The following MTF2 variants were observed in gnomAD, a reference collection of about 807,000 sequenced individuals.
MTF2 encodes metal-response element-binding transcription factor 2.
A neutral mutation model predicts 79.5 loss-of-function variants in MTF2; 11 were observed. The ratio of observed to expected loss-of-function variants is 0.14; its 90% CI spans 0.09 to 0.23. MTF2 has a LOEUF of 0.23. Among genes scored for constraint, MTF2 ranks in the 10% least tolerant of loss-of-function variants. The pLI is 1.00. For synonymous variants in MTF2, 208 were observed against 232.8 expected (o/e 0.89, Z 0.97); for missense variants, 486 against 711.2 (o/e 0.68, Z 3.60).
intron 11 of MTF2, among the ~76,000 whole-genome samples, chr1:93,132,574 C>T (rs190022557): frequency 5.5e-4 from 84 of 152,196 alleles, no homozygotes; most frequent in African/African-American, 2.0e-3. Flanking sequence ...GATCATTTTA[C>T]AAAAGAAATG....
chr1:93,127,453 G>C (rs1656744814), intron 10 of MTF2, among the ~76,000 whole-genome samples, 154 bp downstream of exon 10: 1 of 152,182 alleles, frequency 6.6e-6, no homozygotes, highest in African/African-American at 2.4e-5. Flanking sequence ...TTAGATTAAA[G>C]CAGTGATTCT....
intron 14 of MTF2, among the ~76,000 whole-genome samples, chr1:93,135,674 G>A (rs36057148): frequency 0.16 from 24,890 of 152,180 alleles, 2,270 homozygotes; most frequent in African/African-American, 0.21. Context: ...TTATCTGGGC[G>A]TGGTATTGGT....
rs775843760 is a variant in MTF2 at position 93,136,696 on chromosome 1, G to A, written c.1451G>A (p.Arg484His). The A allele has an allele frequency of 9.3e-6, 15 of 1,613,694 alleles. No individual in the cohort carries two copies. Among genetic ancestry groups the A allele is most frequent in the Middle Eastern group, 1.6e-4 (1 of 6,084 alleles). Residue 484 changes from arginine (R) to histidine (H), a missense_variant, in exon 15 of 15, where the codon CGT becomes CAT. Coordinates refer to ENST00000370298, the MANE Select transcript of MTF2 (RefSeq NM_007358.4). ...YGLSDSRKRT[R>H]TGRSWPAAIP... Reference sequence around the variant, plus strand: ...TTATCTGACTCCAGAAAAAGAACGCGTACAGGAAGATCTTGGCCTGCTGCA... The same window carrying A: ...TTATCTGACTCCAGAAAAAGAACGCATACAGGAAGATCTTGGCCTGCTGCA...
intron 14 of MTF2, among the ~76,000 whole-genome samples, chr1:93,135,901 G>A (rs1274594518): frequency 1.3e-5 from 2 of 152,210 alleles, no homozygotes; most frequent in Non-Finnish European, 2.9e-5. Context: ...GGGATTTTAA[G>A]TAACAAGCCC....
Position 93,137,110 on chromosome 1 carries a change from A to T in MTF2, c.*83A>T. On this transcript the variant is annotated 3_prime_UTR_variant, in exon 15 of 15. Coordinates refer to ENST00000370298, the MANE Select transcript of MTF2 (RefSeq NM_007358.4). ...GCCCTAAAGGAGTCTGGCTTTTACTATCTTTCTTAAAAAAAAAAAAAAGTC... is the reference window on the plus strand; with the variant it reads ...GCCCTAAAGGAGTCTGGCTTTTACTTTCTTTCTTAAAAAAAAAAAAAAGTC... 8.8e-7 allele frequency: 1 copy of T among 1,142,782 alleles called. No homozygotes were observed. The highest frequency in any genetic ancestry group is 1.2e-6 in the Non-Finnish European group (1 of 823,522). The allele number at this position is 1,142,782 out of a possible 1,614,324, so 70.8% of individuals were successfully genotyped here. A position where few individuals can be genotyped will look rare whatever the true frequency, so the allele number is the denominator to read the frequency against.
At chr1:93,105,351 T>C (rs373052330) in intron 1 of MTF2, among the ~76,000 whole-genome samples, 1 of 152,112 alleles carries the variant, frequency 6.6e-6, no homozygotes, top group Non-Finnish European at 1.5e-5. Context: ...GAGAATTTAG[T>C]TATTCTACCC....
chr1:93,079,652 TG>T, intron 1 of MTF2, 121 bp downstream of exon 1: 1 of 1,231,792 alleles, frequency 8.1e-7, no homozygotes. Context: ...TGGGGGCTCC[TG>T]TATGTGGGTG....
intron 1 of MTF2, among the ~76,000 whole-genome samples, chr1:93,091,678 T>A (rs1244498099): frequency 6.6e-6 from 1 of 152,246 alleles, no homozygotes; most frequent in African/African-American, 2.4e-5. Context: ...ATACTTACAT[T>A]TAAGAATATA....
chr1:93,135,126 A>G (rs1409669804), intron 14 of MTF2, among the ~76,000 whole-genome samples: 5 of 151,938 alleles, frequency 3.3e-5, no homozygotes, highest in Non-Finnish European at 7.4e-5. Flanking sequence ...GTGCGCCACC[A>G]TGCCCAGCTA....
chr1:93,099,454 C>T (rs1366396920), intron 1 of MTF2, among the ~76,000 whole-genome samples: 1 of 152,114 alleles, frequency 6.6e-6, no homozygotes, highest in African/African-American at 2.4e-5. Context: ...AAATGGTAAC[C>T]TATAAAGGAG....
rs1055262876 is a variant in MTF2, at chr1:93,138,592, G to A, written c.*1565G>A. 3 of 152,170 alleles carry A rather than the reference G, an allele frequency of 2.0e-5. No individual in the cohort carries two copies. The highest frequency in any genetic ancestry group is 4.8e-5 in the African/African-American group (2 of 41,440). 9.4% of individuals were successfully genotyped at this position (152,170 alleles called of 1,614,324 possible). ...CAGAGAACTTCATTGTCTGCATTTG[G>A]TTCCTGGTTGGCCAGGTATAAATGA... On this transcript the variant is annotated 3_prime_UTR_variant, in exon 15 of 15. Coordinates refer to ENST00000370298, the MANE Select transcript of MTF2 (RefSeq NM_007358.4).
intron 1 of MTF2, among the ~76,000 whole-genome samples, chr1:93,100,521 A>G (rs1400835976): frequency 6.6e-6 from 1 of 152,062 alleles, no homozygotes; most frequent in Admixed American, 6.6e-5. Context: ...GTTAGCCAAG[A>G]TGGTCTTGCT....
chr1:93,101,366 CTTTTTTTT>C (rs71586777), intron 1 of MTF2, among the ~76,000 whole-genome samples: 74 of 108,614 alleles, frequency 6.8e-4, no homozygotes, highest in African/African-American at 2.5e-3. Context: ...CTATCTTAAC[CTTTTTTTT>C]TTTTTTTTTT....
At chr1:93,102,215 T>G (rs564335369) in intron 1 of MTF2, among the ~76,000 whole-genome samples, 1 of 152,224 alleles carries the variant, frequency 6.6e-6, no homozygotes, top group African/African-American at 2.4e-5. Context: ...TTATAACATA[T>G]AAGATGCTCT....
chr1:93,098,325 T>C (rs971534021), intron 1 of MTF2, among the ~76,000 whole-genome samples: 7 of 152,246 alleles, frequency 4.6e-5, no homozygotes, highest in Non-Finnish European at 1.0e-4. Context: ...TAGATATTTT[T>C]CTTCTTGTGT....
intron 1 of MTF2, among the ~76,000 whole-genome samples, chr1:93,100,444 A>G (rs1655482481): frequency 6.6e-6 from 1 of 152,048 alleles, no homozygotes; most frequent in Non-Finnish European, 1.5e-5. Context: ...AGCTGGGACT[A>G]CAGGCACCTG....
At chr1:93,124,522 A>T (rs1656613814) in intron 9 of MTF2, among the ~76,000 whole-genome samples, 1 of 152,066 alleles carries the variant, frequency 6.6e-6, no homozygotes, top group African/African-American at 2.4e-5. Flanking sequence ...GTGCTACTTC[A>T]CTTCTGAGGG....
At chr1:93,082,559 G>A (rs1654652324) in intron 1 of MTF2, among the ~76,000 whole-genome samples, 1 of 151,952 alleles carries the variant, frequency 6.6e-6, no homozygotes, top group Non-Finnish European at 1.5e-5. Flanking sequence ...TAAAGTGTTG[G>A]GATTGAGCCA....
At chr1:93,086,121 A>AC (rs1170654784) in intron 1 of MTF2, among the ~76,000 whole-genome samples, 1 of 152,162 alleles carries the variant, frequency 6.6e-6, no homozygotes, top group African/African-American at 2.4e-5. Context: ...ATCTTATGGG[A>AC]CCACTGCTGT....
Sources: allele counts gnomAD v4.1 joint callset (sites outside exome capture counted in the v4.1 genomes callset), GRCh38; gene constraint gnomAD v4.1.1; transcripts MANE v1.5; gene names NCBI Gene and HGNC (gene_info 2026-07-23, HGNC 2026-07-21).